The following DLG2 variants were observed in gnomAD, a reference collection of about 807,000 sequenced individuals.
DLG2 encodes the protein discs large MAGUK scaffold protein 2, also known as disks large homolog 2.
DLG2 carries 45 observed loss-of-function variants against 132.5 expected under a neutral mutation model. The ratio of observed to expected loss-of-function variants is 0.34; its 90% CI spans 0.27 to 0.44. DLG2 has a LOEUF of 0.44. Among genes scored for constraint, DLG2 ranks in the 20% least tolerant of loss-of-function variants. The pLI is 1.00. For synonymous variants in DLG2, 424 were observed against 419.6 expected, an observed-to-expected ratio of 1.01 and a Z score of -0.13; for missense variants, 1,045 against 1,196.9, an observed-to-expected ratio of 0.87 and a Z score of 1.87.
chr11:84,308,504 C>T (rs7130515), intron 7 of DLG2, among the ~76,000 whole-genome samples: 4,605 of 152,292 alleles, frequency 0.03, 251 homozygotes, highest in African/African-American at 0.1. Context: ...GGATCCCGCA[C>T]GGGGGCCACA....
At chr11:84,180,879 G>A (rs1416035667) in intron 8 of DLG2, among the ~76,000 whole-genome samples, 5 of 151,978 alleles carry the variant, frequency 3.3e-5, no homozygotes, top group African/African-American at 1.2e-4. Flanking sequence ...TTAAGGAAAT[G>A]TTTCTGTCAG....
chr11:85,226,988 T>C (rs1565185149), intron 4 of DLG2, among the ~76,000 whole-genome samples: 1 of 152,114 alleles, frequency 6.6e-6, no homozygotes, highest in Non-Finnish European at 1.5e-5. Context: ...ATTAGACATC[T>C]TGGCTTCTTT....
chr11:85,026,709 C>T (rs962461784), intron 6 of DLG2, among the ~76,000 whole-genome samples: 7 of 151,880 alleles, frequency 4.6e-5, no homozygotes, highest in Non-Finnish European at 4.4e-5. Context: ...TGGTGGCGGG[C>T]GCCTGTAGTC....
chr11:84,565,777 C>A (rs2099451571), intron 6 of DLG2, among the ~76,000 whole-genome samples: 1 of 152,032 alleles, frequency 6.6e-6, no homozygotes, highest in African/African-American at 2.4e-5. Flanking sequence ...ACGTGAGCTT[C>A]CCCTACAAGC....
At chr11:83,520,695 GTAGATAGATAGATAGATAGATAGA>G (rs72459775) in intron 21 of DLG2, among the ~76,000 whole-genome samples, 5 of 149,034 alleles carry the variant, frequency 3.4e-5, no homozygotes, top group African/African-American at 1.2e-4. Flanking sequence ...AAGTAGGTAG[GTAGATAGATAGATAGATAGATAGA>G]TAGATAGATA....
intron 7 of DLG2, among the ~76,000 whole-genome samples, chr11:84,474,395 G>A (rs375163192): frequency 4.6e-5 from 7 of 152,022 alleles, no homozygotes; most frequent in East Asian, 1.9e-4. Context: ...ATGACACTTC[G>A]CATTTCTCTG....
intron 6 of DLG2, among the ~76,000 whole-genome samples, chr11:85,010,894 C>A (rs1403453464): frequency 6.6e-6 from 1 of 152,072 alleles, no homozygotes; most frequent in Non-Finnish European, 1.5e-5. Flanking sequence ...TTTTCTCAAG[C>A]AGTTTGTCTT....
chr11:84,901,116 C>A (rs369647515), intron 6 of DLG2, among the ~76,000 whole-genome samples: 3 of 151,860 alleles, frequency 2.0e-5, no homozygotes, highest in Non-Finnish European at 2.9e-5. Flanking sequence ...CATTTAAAAG[C>A]GAAGACATAC....
intron 21 of DLG2, among the ~76,000 whole-genome samples, chr11:83,515,264 A>C (rs1442798291): frequency 6.6e-6 from 1 of 152,104 alleles, no homozygotes; most frequent in African/African-American, 2.4e-5. Context: ...GGGAGGGTGT[A>C]TGTGTCCAGG....
intron 3 of DLG2, among the ~76,000 whole-genome samples, chr11:85,330,883 C>T (rs899980061): frequency 6.6e-6 from 1 of 150,732 alleles, no homozygotes; most frequent in South Asian, 2.1e-4. Flanking sequence ...TACATAAACC[C>T]TTACTTCCAC....
chr11:84,742,916 T>C (rs906492846), intron 6 of DLG2, among the ~76,000 whole-genome samples: 5 of 152,194 alleles, frequency 3.3e-5, no homozygotes, highest in African/African-American at 1.2e-4. Context: ...TGTAGCCTTT[T>C]AATATTGGCT....
At chr11:83,599,048 G>T (rs906363711) in intron 19 of DLG2, among the ~76,000 whole-genome samples, 1 of 152,156 alleles carries the variant, frequency 6.6e-6, no homozygotes, top group African/African-American at 2.4e-5. Flanking sequence ...AGCCAAACAG[G>T]TTCCCCTATT....
intron 19 of DLG2, among the ~76,000 whole-genome samples, chr11:83,585,640 TA>T (rs1320880162): frequency 6.6e-6 from 1 of 152,250 alleles, no homozygotes; most frequent in Non-Finnish European, 1.5e-5. Context: ...AACATTTGGA[TA>T]TTTTTCTGAT....
At chr11:83,726,686 T>C (rs183064343) in intron 18 of DLG2, among the ~76,000 whole-genome samples, 12 of 152,068 alleles carry the variant, frequency 7.9e-5, no homozygotes, top group Admixed American at 7.9e-4. Context: ...CAGCCACAAG[T>C]GGAAGCTAAT....
At chr11:83,784,396 C>G (rs926179498) in intron 18 of DLG2, among the ~76,000 whole-genome samples, 1 of 152,178 alleles carries the variant, frequency 6.6e-6, no homozygotes, top group Non-Finnish European at 1.5e-5. Flanking sequence ...GGAAAGAAAT[C>G]TGATTGCTTG....
intron 6 of DLG2, chr11:84,923,031 G>A (rs1364488452): frequency 2.5e-6 from 4 of 1,612,244 alleles, no homozygotes; most frequent in Non-Finnish European, 3.4e-6. Flanking sequence ...TCTGCAGCTG[G>A]TTTAACATGT....
At chr11:84,998,327 G>T (rs1020369355) in intron 6 of DLG2, among the ~76,000 whole-genome samples, 1 of 151,978 alleles carries the variant, frequency 6.6e-6, no homozygotes. Flanking sequence ...AAGATCTGAT[G>T]ATCTTATAAG....
chr11:84,259,480 T>C (rs779671274), intron 7 of DLG2, among the ~76,000 whole-genome samples: 2 of 152,080 alleles, frequency 1.3e-5, no homozygotes, highest in Non-Finnish European at 2.9e-5. Context: ...TACGGAGACA[T>C]AAGACCGCTG....
At chr11:83,552,661 C>G (rs954082294) in intron 19 of DLG2, among the ~76,000 whole-genome samples, 2 of 152,128 alleles carry the variant, frequency 1.3e-5, no homozygotes, top group African/African-American at 4.8e-5. Flanking sequence ...CTTGAGGGCT[C>G]AGCTTCCTTC....
Sources: gnomAD v4.1 joint callset for allele counts (sites outside exome capture counted in the v4.1 genomes callset) on GRCh38, gnomAD v4.1.1 for gene constraint, MANE v1.5 for transcripts, NCBI Gene and HGNC (gene_info 2026-07-23, HGNC 2026-07-21) for gene names.